Variants in LARGE1 observed in about 807,000 individuals in gnomAD.
The protein encoded by LARGE1 is LARGE xylosyl- and glucuronyltransferase 1, also known as xylosyl- and glucuronyltransferase LARGE1.
A neutral mutation model predicts 87.6 loss-of-function variants in LARGE1; 43 were observed. That is an observed-to-expected ratio of 0.49 (90% CI 0.38 to 0.63). LARGE1 has a LOEUF of 0.63. Among genes scored for constraint, LARGE1 ranks in the 30% least tolerant of loss-of-function variants. The probability of loss-of-function intolerance (pLI) is 0.00; values close to 1 mark genes in which losing one functional copy is unlikely to be tolerated. For synonymous variants in LARGE1, 434 were observed against 394.6 expected (o/e 1.10, Z -1.18); for missense variants, 802 against 1,000.2 (o/e 0.80, Z 2.67).
chr22:33,844,110 T>A (rs1260424689), intron 1 of LARGE1, among the ~76,000 whole-genome samples: 4 of 148,036 alleles, frequency 2.7e-5, no homozygotes, highest in African/African-American at 1.0e-4. Flanking sequence ...AGAAAAAACC[T>A]CCAATTTACA....
the LARGE1 span, among the ~76,000 whole-genome samples, chr22:33,133,046 G>C: frequency 5.3e-5 from 8 of 152,276 alleles, no homozygotes; most frequent in East Asian, 1.5e-3. Context: ...CCTGGAGAGA[G>C]ATGAAACAGT....
intron 1 of LARGE1, among the ~76,000 whole-genome samples, chr22:33,913,080 C>T (rs1316418669): frequency 6.6e-6 from 1 of 152,176 alleles, no homozygotes; most frequent in Non-Finnish European, 1.5e-5. Flanking sequence ...GATCCCCCCA[C>T]CTCGGCCTCC....
chr22:33,580,154 T>C (rs1468303592), intron 5 of LARGE1, among the ~76,000 whole-genome samples: 1 of 151,938 alleles, frequency 6.6e-6, no homozygotes, highest in Non-Finnish European at 1.5e-5. Context: ...GCAGATCACC[T>C]GAGCTCGGGA....
chr22:33,539,613 AG>A (rs1185126826), intron 6 of LARGE1, among the ~76,000 whole-genome samples: 1 of 149,380 alleles, frequency 6.7e-6, no homozygotes, highest in Non-Finnish European at 1.5e-5. Flanking sequence ...TTTTTGAGAC[AG>A]GGTCTCGCTC....
chr22:33,366,291 C>T (rs977986909), intron 9 of LARGE1, among the ~76,000 whole-genome samples: 6 of 152,306 alleles, frequency 3.9e-5, no homozygotes, highest in Admixed American at 2.6e-4. Flanking sequence ...TGCTCTTGCA[C>T]GCTCTCCTCT....
At chr22:33,920,818 C>G (rs868616768), upstream of LARGE1, among the ~76,000 whole-genome samples, 34 of 144,534 alleles carry the variant, frequency 2.4e-4, 1 homozygote, top group East Asian at 1.9e-3. Flanking sequence ...AGCTGGGCGG[C>G]CGCTGCAGCC....
intron 1 of LARGE1, among the ~76,000 whole-genome samples, chr22:33,918,949 A>C (rs554989904): frequency 2.6e-5 from 4 of 151,810 alleles, no homozygotes; most frequent in African/African-American, 9.7e-5. Context: ...GGGCACTTAC[A>C]TAAGACCCTG....
chr22:33,566,153 C>T (rs1353721902), intron 5 of LARGE1, among the ~76,000 whole-genome samples: 1 of 152,082 alleles, frequency 6.6e-6, no homozygotes, highest in African/African-American at 2.4e-5. Context: ...GTTTTAGACA[C>T]CAAAGTTTTA....
At chr22:33,778,340 A>C (rs1435435612) in intron 1 of LARGE1, among the ~76,000 whole-genome samples, 1 of 152,220 alleles carries the variant, frequency 6.6e-6, no homozygotes, top group Non-Finnish European at 1.5e-5. Context: ...TTGCAGCAAA[A>C]TACACATAAC....
At chr22:33,699,298 G>A (rs1316005238) in intron 2 of LARGE1, among the ~76,000 whole-genome samples, 1 of 152,236 alleles carries the variant, frequency 6.6e-6, no homozygotes, top group African/African-American at 2.4e-5. Context: ...CCTCTTCGCA[G>A]AATGGGTGTC....
chr22:33,832,935 T>C (rs1274349246), intron 1 of LARGE1, among the ~76,000 whole-genome samples: 1 of 152,214 alleles, frequency 6.6e-6, no homozygotes, highest in African/African-American at 2.4e-5. Flanking sequence ...TACGGGCCCA[T>C]CTGGTCTGAG....
intron 1 of LARGE1, among the ~76,000 whole-genome samples, chr22:33,905,332 G>A (rs992655761): frequency 6.6e-6 from 1 of 152,046 alleles, no homozygotes; most frequent in Non-Finnish European, 1.5e-5. Flanking sequence ...GCCTCTCAGT[G>A]TGCTGAGATA....
rs528431848 is a variant in LARGE1, at chr22:33,490,641, G to C, written c.788-58376C>G. On this transcript the variant is annotated intron_variant, in intron 6 of 14. Coordinates refer to ENST00000397394, the MANE Select transcript of LARGE1 (RefSeq NM_133642.5). Reference sequence around the variant, plus strand: ...GATCAATCTGATAGTGGATGCCATAGTACCTGGGAATCCCATACAGCTTCC... The same window carrying C: ...GATCAATCTGATAGTGGATGCCATACTACCTGGGAATCCCATACAGCTTCC... Among the ~76,000 whole-genome samples, 6 of 152,314 alleles carry C rather than the reference G, an allele frequency of 3.9e-5. No homozygotes were observed. In the South Asian group the frequency reaches 6.2e-4, roughly 16 times the overall value.
chr22:33,619,028 T>G (rs998343720), intron 4 of LARGE1, among the ~76,000 whole-genome samples: 10 of 152,196 alleles, frequency 6.6e-5, no homozygotes, highest in African/African-American at 2.2e-4. Flanking sequence ...GGAACTCTCC[T>G]GCCTTTGAGT....
intron 12 of LARGE1, among the ~76,000 whole-genome samples, chr22:33,302,031 C>A (rs1180032182): frequency 6.6e-6 from 1 of 152,212 alleles, no homozygotes; most frequent in Non-Finnish European, 1.5e-5. Flanking sequence ...GAAGAAGAGT[C>A]CCAGAGGGGT....
At chr22:33,449,563 G>A (rs16992355) in intron 6 of LARGE1, among the ~76,000 whole-genome samples, 7,533 of 152,268 alleles carry the variant, frequency 0.049, 607 homozygotes, top group African/African-American at 0.17. Flanking sequence ...AGCTACAACC[G>A]CATTTCACTC....
At chr22:33,217,043 C>G (rs184794068) in intron 11 of LARGE1, among the ~76,000 whole-genome samples, 1 of 152,246 alleles carries the variant, frequency 6.6e-6, no homozygotes, top group Admixed American at 6.5e-5. Flanking sequence ...GAATGTGGAA[C>G]AATGGGGACT....
intron 11 of LARGE1, among the ~76,000 whole-genome samples, chr22:33,226,244 T>G (rs914219424): frequency 2.0e-5 from 3 of 152,244 alleles, no homozygotes; most frequent in Non-Finnish European, 4.4e-5. Context: ...TTCACCATGG[T>G]TGCCTTGAAA....
chr22:33,215,784 C>T lies in LARGE1; in HGVS notation c.1731-48952G>A, dbSNP rs1237713234. 1.6e-4 allele frequency among the ~76,000 whole-genome samples: 24 copies of T among 152,126 alleles called. 1 individual carries two copies. The highest frequency in any genetic ancestry group is 4.8e-5 in the African/African-American group (2 of 41,418). On this transcript the variant is annotated intron_variant, in intron 11 of 11. Transcript: ENST00000608642. The stretch of plus-strand genomic sequence containing the variant: ...CCAGCTGGCCAACATGTCGAAATCC[C>T]GTCTCTACTAAAAATACAAAGATTA...
Sources: gnomAD v4.1 joint callset for allele counts (sites outside exome capture counted in the v4.1 genomes callset) on GRCh38, gnomAD v4.1.1 for gene constraint, MANE v1.5 for transcripts, NCBI Gene and HGNC (gene_info 2026-07-23, HGNC 2026-07-21) for gene names.